MEGF11: variants seen among roughly 807,000 people sequenced by gnomAD.
MEGF11 encodes multiple epidermal growth factor-like domains protein 11.
A neutral mutation model predicts 146.6 loss-of-function variants in MEGF11; 126 were observed. The ratio of observed to expected loss-of-function variants is 0.86; its 90% confidence interval spans 0.74 to 1.00. MEGF11 has a LOEUF of 1.00. Among genes scored for constraint, MEGF11 ranks in the 50% least tolerant of loss-of-function variants. The pLI is 0.00. For missense variants in MEGF11, 1,509 were observed against 1,521.2 expected, an observed-to-expected ratio of 0.99 and a Z score of 0.13; for synonymous variants, 532 against 583.4, an observed-to-expected ratio of 0.91 and a Z score of 1.27.
intron 1 of MEGF11, among the ~76,000 whole-genome samples, chr15:66,137,865 A>G (rs1185398388): frequency 2.0e-5 from 3 of 151,964 alleles, no homozygotes; most frequent in African/African-American, 4.8e-5. Context: ...TTTCTTCTCT[A>G]TATATTTTCA....
intron 1 of MEGF11, among the ~76,000 whole-genome samples, chr15:66,174,664 A>G (rs967820367): frequency 1.5e-4 from 23 of 151,676 alleles, no homozygotes; most frequent in African/African-American, 5.3e-4. Context: ...GCCACAGGGA[A>G]GAAGCCCAGC....
intron 1 of MEGF11, among the ~76,000 whole-genome samples, chr15:66,208,967 G>A (rs2091372545): frequency 6.6e-6 from 1 of 152,120 alleles, no homozygotes; most frequent in African/African-American, 2.4e-5. Context: ...TGCTGACAAG[G>A]ACATAAAGAA....
chr15:66,213,172 T>C (rs1381683251), intron 1 of MEGF11, among the ~76,000 whole-genome samples: 1 of 152,046 alleles, frequency 6.6e-6, no homozygotes, highest in African/African-American at 2.4e-5. Context: ...CCTCTCCTGC[T>C]CTCTCTGGCC....
intron 24 of MEGF11, chr15:65,905,465 T>A (rs1274384424): frequency 6.6e-6 from 1 of 152,206 alleles, no homozygotes; most frequent in Non-Finnish European, 1.5e-5. Flanking sequence ...CAAAGCCCCC[T>A]ATTTCACACA....
chr15:66,011,316 T>G (rs1036856624), intron 5 of MEGF11, among the ~76,000 whole-genome samples: 1 of 152,100 alleles, frequency 6.6e-6, no homozygotes, highest in African/African-American at 2.4e-5. Flanking sequence ...CCAGGAGGCC[T>G]GGCTCCCTTC....
intron 5 of MEGF11, among the ~76,000 whole-genome samples, chr15:66,060,933 T>A (rs756414693): frequency 1.4e-4 from 22 of 152,224 alleles, no homozygotes; most frequent in Non-Finnish European, 3.1e-4. Flanking sequence ...CAAACCCACC[T>A]GCTGTGCCCA....
intron 10 of MEGF11, among the ~76,000 whole-genome samples, chr15:65,953,718 C>T (rs192687816): frequency 1.1e-4 from 17 of 152,098 alleles, no homozygotes; most frequent in Admixed American, 6.5e-4. Flanking sequence ...ATTCCACTTC[C>T]AATGTCCTGG....
chr15:66,105,771 C>T (rs533890672), intron 4 of MEGF11, among the ~76,000 whole-genome samples: 2 of 152,376 alleles, frequency 1.3e-5, no homozygotes, highest in South Asian at 4.1e-4. Flanking sequence ...ACAGAGTCCT[C>T]TAAATCACAC....
At chr15:66,077,591 G>A (rs1351848723) in intron 5 of MEGF11, among the ~76,000 whole-genome samples, 2 of 152,230 alleles carry the variant, frequency 1.3e-5, no homozygotes, top group Non-Finnish European at 2.9e-5. Context: ...CAGATTCCAT[G>A]TAACACTGCT....
At chr15:65,950,068 C>T (rs1307365605) in intron 10 of MEGF11, among the ~76,000 whole-genome samples, 60 of 152,194 alleles carry the variant, frequency 3.9e-4, no homozygotes, top group Non-Finnish European at 8.8e-5. Flanking sequence ...CCAAACAGGG[C>T]ACTCAGGCCA....
At chr15:66,157,401 A>ACACACC (rs2089799307) in intron 1 of MEGF11, among the ~76,000 whole-genome samples, 2 of 152,336 alleles carry the variant, frequency 1.3e-5, no homozygotes, top group African/African-American at 4.8e-5. Flanking sequence ...CCATCATCCC[A>ACACACC]CACACCCCAT....
chr15:66,113,489 C>A (rs759613220), intron 4 of MEGF11, among the ~76,000 whole-genome samples: 1 of 152,172 alleles, frequency 6.6e-6, no homozygotes. Flanking sequence ...CAGATAGACT[C>A]CCCCTCCTTG....
At chr15:66,171,438 TA>T (rs58105881) in intron 1 of MEGF11, among the ~76,000 whole-genome samples, 33,308 of 151,828 alleles carry the variant, frequency 0.22, 4,161 homozygotes, top group South Asian at 0.34. Context: ...TTGCTCCAAG[TA>T]CTCTAAGATT....
intron 5 of MEGF11, among the ~76,000 whole-genome samples, chr15:66,052,466 A>G (rs886794685): frequency 6.6e-6 from 1 of 152,126 alleles, no homozygotes; most frequent in Non-Finnish European, 1.5e-5. Flanking sequence ...CTTGTCTCCA[A>G]ATTCACCAGC....
At chr15:66,114,602 G>A (rs1343542677) in intron 4 of MEGF11, among the ~76,000 whole-genome samples, 4 of 152,208 alleles carry the variant, frequency 2.6e-5, no homozygotes, top group Non-Finnish European at 2.9e-5. Flanking sequence ...CATCTGCAGA[G>A]GCAAAAATGC....
At chr15:65,925,423 C>T (rs901703780) in intron 13 of MEGF11, among the ~76,000 whole-genome samples, 1 of 152,054 alleles carries the variant, frequency 6.6e-6, no homozygotes, top group African/African-American at 2.4e-5. Flanking sequence ...CTTATATGTC[C>T]CAAGACCTTC....
intron 5 of MEGF11, among the ~76,000 whole-genome samples, chr15:66,048,367 G>C (rs1375794701): frequency 1.3e-5 from 2 of 152,228 alleles, no homozygotes; most frequent in African/African-American, 4.8e-5. Flanking sequence ...GTCACCAAGG[G>C]GGTGACCCCG....
chr15:65,947,051 ATGTTT>A (rs2080220480), intron 10 of MEGF11, among the ~76,000 whole-genome samples: 1 of 152,028 alleles, frequency 6.6e-6, no homozygotes, highest in Admixed American at 6.6e-5. Flanking sequence ...ATTTTTTGTT[ATGTTT>A]TTTCTGTTTT....
intron 8 of MEGF11, among the ~76,000 whole-genome samples, chr15:65,968,156 T>C (rs1192411767): frequency 6.6e-6 from 1 of 151,446 alleles, no homozygotes; most frequent in Non-Finnish European, 1.5e-5. Context: ...GGAGAAGGAA[T>C]GGAAAGTAGA....
Sources: allele counts gnomAD v4.1 joint callset (sites outside exome capture counted in the v4.1 genomes callset), GRCh38; gene constraint gnomAD v4.1.1; transcripts MANE v1.5; gene names NCBI Gene and HGNC (gene_info 2026-07-23, HGNC 2026-07-21).